The following ZNF385D variants were observed in gnomAD, a reference collection of about 807,000 sequenced individuals.
ZNF385D encodes zinc finger protein 385D, also known as zinc finger protein 659.
In ZNF385D, 15 loss-of-function variants were observed where a neutral mutation model predicts 35.8. The ratio of observed to expected loss-of-function variants is 0.42; its 90% CI spans 0.28 to 0.64. The LOEUF (loss-of-function observed/expected upper bound fraction) is 0.64, where lower values mean the gene tolerates loss of function less well. Among genes scored for constraint, ZNF385D ranks in the 30% least tolerant of loss-of-function variants. The pLI is 0.23. For synonymous variants in ZNF385D, 212 were observed against 186.8 expected (o/e 1.13, Z -1.10); for missense variants, 474 against 494.6 (o/e 0.96, Z 0.39).
chr3:21,689,147 AAAAATACT>A (rs2067202611), intron 1 of ZNF385D, among the ~76,000 whole-genome samples: 1 of 151,874 alleles, frequency 6.6e-6, no homozygotes, highest in African/African-American at 2.4e-5. Context: ...AAAAAAAAAA[AAAAATACT>A]ATTCCATTTA....
chr3:22,215,864 T>C (rs896541885), intron 2 of ZNF385D, among the ~76,000 whole-genome samples: 4 of 152,082 alleles, frequency 2.6e-5, no homozygotes, highest in Non-Finnish European at 5.9e-5. Flanking sequence ...CACCCAGCTT[T>C]ACAATTTCTC....
In ZNF385D at chr3:21,976,516, T is replaced by C. The variant is rs141077471; in HGVS notation, c.325+192301A>G. ...CTGGAAGATAGATCAAAAGAAAATA[T>C]CTAGACTATAACAGGAAATACACAG... On this transcript the variant is annotated intron_variant, in intron 3 of 5. Coordinates refer to the ZNF385D transcript ENST00000494108. Among the ~76,000 whole-genome samples, 586 of 152,122 alleles carry C rather than the reference T, an allele frequency of 3.9e-3. 3 individuals are homozygous for C. The highest frequency in any genetic ancestry group is 0.014 in the African/African-American group (562 of 41,476).
chr3:21,680,655 A>G (rs891478352), intron 1 of ZNF385D, among the ~76,000 whole-genome samples: 2 of 152,138 alleles, frequency 1.3e-5, no homozygotes, highest in Non-Finnish European at 2.9e-5. Context: ...TGGCCATTCA[A>G]TTTTATAAGT....
At chr3:21,597,565 G>A (rs1172964965) in intron 2 of ZNF385D, among the ~76,000 whole-genome samples, 6 of 152,036 alleles carry the variant, frequency 3.9e-5, no homozygotes, top group Admixed American at 1.3e-4. Flanking sequence ...CAGTTTTAAA[G>A]CTCAGACTTG....
At chr3:22,195,662 T>A (rs1696365020) in intron 2 of ZNF385D, among the ~76,000 whole-genome samples, 1 of 152,064 alleles carries the variant, frequency 6.6e-6, no homozygotes, top group African/African-American at 2.4e-5. Context: ...TAACAAAGCA[T>A]GACGATGCCA....
At chr3:22,278,128 T>C (rs1701527028) in intron 2 of ZNF385D, among the ~76,000 whole-genome samples, 1 of 152,084 alleles carries the variant, frequency 6.6e-6, no homozygotes, top group Non-Finnish European at 1.5e-5. Context: ...CAGAACATGT[T>C]TTATTCATGT....
At chr3:22,276,458 T>A (rs1270773004) in intron 2 of ZNF385D, among the ~76,000 whole-genome samples, 1 of 152,122 alleles carries the variant, frequency 6.6e-6, no homozygotes, top group African/African-American at 2.4e-5. Flanking sequence ...AAGTCCTGCA[T>A]CTGAGACCCA....
At chr3:21,605,389 A>T (rs1221012437) in intron 2 of ZNF385D, among the ~76,000 whole-genome samples, 2 of 152,174 alleles carry the variant, frequency 1.3e-5, no homozygotes, top group Non-Finnish European at 2.9e-5. Context: ...GGGTAAGAAG[A>T]GTAAGACAGA....
At chr3:22,225,652 C>A (rs983421475) in intron 2 of ZNF385D, among the ~76,000 whole-genome samples, 3 of 152,160 alleles carry the variant, frequency 2.0e-5, no homozygotes, top group South Asian at 4.1e-4. Context: ...GGCTGTCTTT[C>A]CTTCCCTGTC....
At chr3:22,146,162 G>A (rs936548226) in intron 3 of ZNF385D, among the ~76,000 whole-genome samples, 58 of 152,036 alleles carry the variant, frequency 3.8e-4, no homozygotes, top group Admixed American at 3.7e-3. Flanking sequence ...GTCTAAGAGG[G>A]AACCATCTGG....
intron 3 of ZNF385D, among the ~76,000 whole-genome samples, chr3:22,004,795 A>T (rs75849787): frequency 6.6e-6 from 1 of 152,268 alleles, no homozygotes; most frequent in Non-Finnish European, 1.5e-5. Context: ...TATTACCTGG[A>T]AGTCCCTTCA....
chr3:22,332,259 C>T (rs1169565851), intron 2 of ZNF385D, among the ~76,000 whole-genome samples: 2 of 152,094 alleles, frequency 1.3e-5, no homozygotes, highest in African/African-American at 2.4e-5. Flanking sequence ...CATTGCAGAA[C>T]TAGAACTACG....
intron 3 of ZNF385D, among the ~76,000 whole-genome samples, chr3:22,079,703 C>A (rs1345008474): frequency 6.6e-6 from 1 of 151,902 alleles, no homozygotes; most frequent in East Asian, 1.9e-4. Flanking sequence ...TTAAATATGT[C>A]TTTATTTGTA....
intron 3 of ZNF385D, among the ~76,000 whole-genome samples, chr3:21,761,382 T>G: frequency 6.6e-6 from 1 of 152,196 alleles, no homozygotes; most frequent in East Asian, 1.9e-4. Flanking sequence ...GGCTAATACA[T>G]GATGGAACTT....
At chr3:21,531,467 T>C (rs142111480) in intron 3 of ZNF385D, among the ~76,000 whole-genome samples, 452 of 152,318 alleles carry the variant, frequency 3.0e-3, no homozygotes, top group African/African-American at 9.8e-3. Context: ...TATAAATTTA[T>C]AGCAGCTTTA....
intron 3 of ZNF385D, among the ~76,000 whole-genome samples, chr3:21,813,563 T>C (rs1349024522): frequency 6.6e-6 from 1 of 152,122 alleles, no homozygotes; most frequent in Non-Finnish European, 1.5e-5. Context: ...ATGCACAAGC[T>C]TCAGTAGCTG....
chr3:21,904,167 G>A (rs1699554276), intron 3 of ZNF385D, among the ~76,000 whole-genome samples: 1 of 151,856 alleles, frequency 6.6e-6, no homozygotes, highest in Non-Finnish European at 1.5e-5. Flanking sequence ...AGCTGGGTGT[G>A]GTGACAAGTA....
intron 2 of ZNF385D, among the ~76,000 whole-genome samples, chr3:22,261,859 C>T (rs1406310490): frequency 6.6e-6 from 1 of 151,972 alleles, no homozygotes; most frequent in Non-Finnish European, 1.5e-5. Context: ...GTGATAATGA[C>T]TCCCTGTGAT....
At chr3:21,876,691 T>C (rs7639497) in intron 3 of ZNF385D, among the ~76,000 whole-genome samples, 3,382 of 150,230 alleles carry the variant, frequency 0.023, 116 homozygotes, top group African/African-American at 0.073. Context: ...TTTTCTTATA[T>C]TTTTGATTTT....
Sources: allele counts gnomAD v4.1 joint callset (sites outside exome capture counted in the v4.1 genomes callset), GRCh38; gene constraint gnomAD v4.1.1; transcripts MANE v1.5; gene names NCBI Gene and HGNC (gene_info 2026-07-23, HGNC 2026-07-21).